Variants in DACH2 observed in about 807,000 individuals in gnomAD.
DACH2 encodes the protein dachshund family transcription factor 2.
A neutral mutation model predicts 35.8 loss-of-function variants in DACH2; 17 were observed. The ratio of observed to expected loss-of-function variants is 0.48; its 90% CI spans 0.33 to 0.71. The LOEUF (loss-of-function observed/expected upper bound fraction) is 0.71, where lower values mean the gene tolerates loss of function less well. Ranked by LOEUF, DACH2 falls within the 30% of genes least tolerant of loss-of-function variation. DACH2 has a pLI of 0.02. For synonymous variants in DACH2, 195 were observed against 177.3 expected (o/e 1.10, Z -0.79); for missense variants, 469 against 472.7 (o/e 0.99, Z 0.07).
intron 3 of DACH2, among the ~76,000 whole-genome samples, chrX:86,629,792 T>C (rs2040179057): frequency 9.1e-6 from 1 of 109,811 alleles, no homozygotes; most frequent in Non-Finnish European, 1.9e-5. Flanking sequence ...GGTGGGAGGA[T>C]CCATTGAGTC....
chrX:86,540,391 A>G (rs2038863830), intron 3 of DACH2, among the ~76,000 whole-genome samples: 1 of 112,224 alleles, frequency 8.9e-6, no homozygotes, highest in Admixed American at 9.5e-5. Flanking sequence ...CAGGCACTAC[A>G]ACCATCATGC....
chrX:86,810,740 T>G (rs186382877), intron 7 of DACH2, among the ~76,000 whole-genome samples: 1 of 111,416 alleles, frequency 9.0e-6, no homozygotes, highest in East Asian at 2.8e-4. Context: ...AGTGTTTTTA[T>G]GAGATAATAC....
intron 4 of DACH2, among the ~76,000 whole-genome samples, chrX:86,654,714 A>G (rs976675764): frequency 1.8e-5 from 2 of 111,546 alleles, no homozygotes; most frequent in Non-Finnish European, 3.8e-5. Flanking sequence ...TTTAATTTTT[A>G]CCTAAATCTT....
intron 6 of DACH2, among the ~76,000 whole-genome samples, chrX:86,719,609 G>A (rs1229757925): frequency 9.0e-6 from 1 of 111,508 alleles, no homozygotes; most frequent in Non-Finnish European, 1.9e-5. Flanking sequence ...ACCATGGCAG[G>A]AGGCAACTGT....
chrX:86,519,835 C>CA (rs918703549), intron 3 of DACH2, among the ~76,000 whole-genome samples: 2 of 104,045 alleles, frequency 1.9e-5, no homozygotes, highest in Admixed American at 1.0e-4. Context: ...TTAAATTTTT[C>CA]AAAAAAACTT....
chrX:86,587,677 T>C (rs775847605), intron 3 of DACH2, among the ~76,000 whole-genome samples: 9 of 111,979 alleles, frequency 8.0e-5, no homozygotes, highest in Non-Finnish European at 1.5e-4. Flanking sequence ...TGCTTGTATG[T>C]CTTCCTTTGA....
At chrX:86,568,678 A>T (rs908229820) in intron 3 of DACH2, among the ~76,000 whole-genome samples, 4 of 111,169 alleles carry the variant, frequency 3.6e-5, no homozygotes, top group Non-Finnish European at 7.6e-5. Flanking sequence ...GTTGTGAAGG[A>T]AATTCTTTTT....
At position 86,210,436 on chromosome X, in the gene DACH2, C is replaced by T. The variant is rs188583413; in HGVS notation, c.488+61328C>T. Among the ~76,000 whole-genome samples, 31 of 111,006 alleles carry T rather than the reference C, an allele frequency of 2.8e-4. 1 individual carries two copies. In the East Asian group the frequency reaches 8.5e-3, roughly 30 times the overall value. Reference sequence around the variant, plus strand: ...AATTTAAAAAGCTCCCTCATTTAACCTTGTGAGAGTTTAATTTTTAAAAAA... The same window carrying T: ...AATTTAAAAAGCTCCCTCATTTAACTTTGTGAGAGTTTAATTTTTAAAAAA... On this transcript the variant is annotated intron_variant, in intron 1 of 11. Coordinates refer to ENST00000373125, the MANE Select transcript of DACH2 (RefSeq NM_053281.3).
intron 3 of DACH2, among the ~76,000 whole-genome samples, chrX:86,633,169 G>T (rs2040222268): frequency 9.0e-6 from 1 of 110,712 alleles, no homozygotes; most frequent in East Asian, 2.8e-4. Flanking sequence ...GAAATGAAAT[G>T]TTGGTTATTT....
intron 4 of DACH2, among the ~76,000 whole-genome samples, chrX:86,678,187 T>C (rs1019538395): frequency 1.8e-5 from 2 of 112,419 alleles, no homozygotes; most frequent in African/African-American, 6.5e-5. Context: ...CATTTTTAGA[T>C]AGTATATTCC....
chrX:86,780,118 A>T (rs2042075440), intron 7 of DACH2, among the ~76,000 whole-genome samples: 1 of 106,849 alleles, frequency 9.4e-6, no homozygotes, highest in African/African-American at 3.4e-5. Context: ...AGTTGACTGA[A>T]CCCTACTTAC....
chrX:86,725,385 T>G (rs2041455040), intron 6 of DACH2, among the ~76,000 whole-genome samples: 1 of 111,847 alleles, frequency 8.9e-6, no homozygotes, highest in Non-Finnish European at 1.9e-5. Flanking sequence ...TGGGTGCCCA[T>G]GGTAGTGTAA....
chrX:86,538,119 G>T (rs746976336), intron 3 of DACH2, among the ~76,000 whole-genome samples: 58 of 111,159 alleles, frequency 5.2e-4, no homozygotes, highest in African/African-American at 1.8e-3. Flanking sequence ...AGCCTGTTTG[G>T]TGGTCTCTTC....
chrX:86,455,169 G>T (rs188341371), intron 2 of DACH2, among the ~76,000 whole-genome samples: 6 of 110,501 alleles, frequency 5.4e-5, no homozygotes, highest in African/African-American at 1.6e-4. Context: ...CTTTGTACCA[G>T]GGCAGTATTG....
At chrX:86,230,048 G>T (rs139559396) in intron 1 of DACH2, among the ~76,000 whole-genome samples, 195 of 110,892 alleles carry the variant, frequency 1.8e-3, no homozygotes, top group Middle Eastern at 4.7e-3. Context: ...CCCGTTCTCA[G>T]GGGGAATGCT....
chrX:86,259,949 T>G (rs1056262854), intron 1 of DACH2, among the ~76,000 whole-genome samples: 3 of 111,480 alleles, frequency 2.7e-5, no homozygotes, highest in Non-Finnish European at 5.7e-5. Flanking sequence ...ATTTTCTTAC[T>G]GCTTATTTTT....
intron 1 of DACH2, among the ~76,000 whole-genome samples, chrX:86,357,617 C>A (rs756549869): frequency 3.5e-4 from 39 of 112,230 alleles, no homozygotes; most frequent in African/African-American, 1.2e-3. Context: ...TAGAACAGAG[C>A]AATACCATTT....
At chrX:86,772,335 G>T (rs1023131298) in intron 7 of DACH2, among the ~76,000 whole-genome samples, 2 of 111,492 alleles carry the variant, frequency 1.8e-5, no homozygotes. Context: ...ATAGCAAGAA[G>T]CTTGAAGTCA....
rs2031083819 is a variant in DACH2 at position 86,170,311 on chromosome X, G to T, written c.488+21203G>T. 3.6e-5 allele frequency among the ~76,000 whole-genome samples: 4 copies of T among 111,512 alleles called. 1 individual carries two copies. The Admixed American group carries it at 3.8e-4, about 11-fold the overall frequency. On this transcript the variant is annotated intron_variant, in intron 1 of 11. Transcript: ENST00000373125. ...CAGATCTGAAGTCATCACAGCACTG[G>T]TTCTTACCCAATTTCGGCTGTAACA...
Sources: gnomAD v4.1 joint callset for allele counts (sites outside exome capture counted in the v4.1 genomes callset) on GRCh38, gnomAD v4.1.1 for gene constraint, MANE v1.5 for transcripts, NCBI Gene and HGNC (gene_info 2026-07-23, HGNC 2026-07-21) for gene names.